The following ARHGAP11B variants were observed in gnomAD, a reference collection of about 807,000 sequenced individuals.
The protein encoded by ARHGAP11B is Rho GTPase activating protein 11B.
A neutral mutation model predicts 27.6 loss-of-function variants in ARHGAP11B; 14 were observed. That is an observed-to-expected ratio of 0.51 (90% CI 0.34 to 0.79). The LOEUF (loss-of-function observed/expected upper bound fraction) is 0.79. Ranked by LOEUF, ARHGAP11B falls within the 30% of genes least tolerant of loss-of-function variation. The pLI is 0.02. For synonymous variants in ARHGAP11B, 82 were observed against 114.1 expected, an observed-to-expected ratio of 0.72 and a Z score of 1.80; for missense variants, 245 against 320.1, an observed-to-expected ratio of 0.77 and a Z score of 1.79.
chr15:30,641,996 G>A (rs2060318800), intron 7 of ARHGAP11B, among the ~76,000 whole-genome samples: 1 of 152,028 alleles, frequency 6.6e-6, no homozygotes, highest in Non-Finnish European at 1.5e-5. Flanking sequence ...GATTACAGAC[G>A]TGAGCCACGG....
At chr15:30,634,114 A>G in intron 3 of ARHGAP11B, 56 bp from the exon 4 acceptor site, 1 of 1,603,216 alleles carries the variant, frequency 6.2e-7, no homozygotes, top group Non-Finnish European at 8.5e-7. Context: ...AAGATTCTTT[A>G]TTTGCAATAA....
intron 1 of ARHGAP11B, among the ~76,000 whole-genome samples, chr15:30,629,158 C>G (rs537686657): frequency 1.3e-5 from 2 of 152,146 alleles, no homozygotes; most frequent in African/African-American, 4.8e-5. Context: ...TCCTACACCT[C>G]TATGACTTAG....
rs2060349825 is a variant in ARHGAP11B at position 30,646,604 on chromosome 15, A to T, written c.*324+309A>T. 2.0e-5 allele frequency among the ~76,000 whole-genome samples: 3 copies of T among 151,572 alleles called. 1 individual carries two copies. The highest frequency in any genetic ancestry group is 4.2e-4 in the South Asian group (2 of 4,806). Reference sequence around the variant, plus strand: ...TGAACCCCAGGGGCGCGGAGCCTGCAGTGAGCTGAGATTGTGCCACTGCAC... The same window carrying T: ...TGAACCCCAGGGGCGCGGAGCCTGCTGTGAGCTGAGATTGTGCCACTGCAC... On this transcript the variant is annotated intron_variant, in intron 9 of 10. Transcript: ENST00000428041.
At chr15:30,648,727 C>G (rs918197790) in exon 11 of ARHGAP11B, 1 of 151,746 alleles carries the variant, frequency 6.6e-6, no homozygotes, top group African/African-American at 2.4e-5. Context: ...TTAGGAAAAG[C>G]ACATGAAAAA....
intron 6 of ARHGAP11B, among the ~76,000 whole-genome samples, chr15:30,638,102 G>A (rs1263895079): frequency 0.019 from 1 of 52 alleles, no homozygotes; most frequent in Admixed American, 0.1. Flanking sequence ...TTACAGGTGT[G>A]AGCCACTGGC....
intron 1 of ARHGAP11B, among the ~76,000 whole-genome samples, chr15:30,627,923 A>T (rs2140887585): frequency 6.6e-6 from 1 of 152,072 alleles, no homozygotes; most frequent in East Asian, 1.9e-4. Context: ...TGTTGGTAGC[A>T]AATTAATGGC....
chr15:30,642,888 C>T (rs879454698), intron 7 of ARHGAP11B, among the ~76,000 whole-genome samples: 1 of 151,942 alleles, frequency 6.6e-6, no homozygotes, highest in Non-Finnish European at 1.5e-5. Context: ...AAGTTTCTAA[C>T]CAGAAATTAA....
At chr15:30,633,427 A>G in intron 2 of ARHGAP11B, 63 bp from the exon 3 acceptor site, 1 of 1,444,016 alleles carries the variant, frequency 6.9e-7, no homozygotes, top group African/African-American at 1.4e-5. Context: ...CTGCTCATGT[A>G]TGTTAGCAGA....
rs144830535 is a variant in ARHGAP11B, at chr15:30,648,338, A to G, written c.*406A>G. Among the ~76,000 whole-genome samples the G allele has an allele frequency of 4.0e-3, 608 of 152,118 alleles. 5 individuals are homozygous for G. Among genetic ancestry groups the G allele is most frequent in the African/African-American group, 0.014 (567 of 41,518 alleles). On this transcript the variant is annotated 3_prime_UTR_variant, in exon 11 of 11. Transcript: ENST00000428041. ...ACCAGGTGGAAAGCACCGTAGATCA[A>G]GTGTTAGAAGGCTCTGGGTTCCTGT...
chr15:30,643,926 T>C (rs1291033559), intron 7 of ARHGAP11B, among the ~76,000 whole-genome samples: 2 of 152,060 alleles, frequency 1.3e-5, no homozygotes, highest in Admixed American at 1.3e-4. Flanking sequence ...TGGATCCAAC[T>C]ACATGGTTTC....
At chr15:30,643,203 T>C (rs1170925345) in intron 7 of ARHGAP11B, among the ~76,000 whole-genome samples, 2 of 152,026 alleles carry the variant, frequency 1.3e-5, no homozygotes, top group Non-Finnish European at 2.9e-5. Flanking sequence ...CTTAGTCTCA[T>C]ATAATCTGTC....
intron 8 of ARHGAP11B, chr15:30,644,836 G>A (rs1306312438): frequency 5.9e-6 from 5 of 850,276 alleles, no homozygotes; most frequent in Admixed American, 2.1e-5. Flanking sequence ...TATATTCTTG[G>A]GTCAGTGTTA....
chr15:30,642,510 C>A (rs1209312061), intron 7 of ARHGAP11B, among the ~76,000 whole-genome samples: 2 of 151,892 alleles, frequency 1.3e-5, no homozygotes, highest in Non-Finnish European at 2.9e-5. Context: ...TAGCAGTTGG[C>A]CAGCAGGTAT....
chr15:30,644,609 C>T (rs1566783843), intron 7 of ARHGAP11B: 2 of 1,450,592 alleles, frequency 1.4e-6, no homozygotes, highest in Non-Finnish European at 1.9e-6. Flanking sequence ...CAAAAATTGT[C>T]TCAAAAGGTT....
chr15:30,634,565 T>C (rs1574382), intron 4 of ARHGAP11B, 142 bp downstream of exon 4: 25 of 1,420,786 alleles, frequency 1.8e-5, no homozygotes, highest in Non-Finnish European at 2.2e-5. Context: ...GAGTATACTC[T>C]AATTTAAGAA....
intron 6 of ARHGAP11B, among the ~76,000 whole-genome samples, chr15:30,636,273 T>G (rs2060279121): frequency 6.6e-6 from 1 of 152,058 alleles, no homozygotes; most frequent in South Asian, 2.1e-4. Flanking sequence ...CATGAGATTA[T>G]TGTTTGAACT....
chr15:30,641,549 A>T (rs1268262041), intron 7 of ARHGAP11B: 1 of 151,960 alleles, frequency 6.6e-6, no homozygotes, highest in East Asian at 1.9e-4. Flanking sequence ...CACGTTGGCC[A>T]GGCTGGTCTT....
intron 8 of ARHGAP11B, chr15:30,646,032 C>G: frequency 7.5e-6 from 2 of 265,850 alleles, no homozygotes; most frequent in Non-Finnish European, 1.2e-5. Flanking sequence ...TCTTAGTTGT[C>G]GTAATTCTGT....
intron 6 of ARHGAP11B, among the ~76,000 whole-genome samples, chr15:30,636,036 C>T (rs543220683): frequency 2.7e-4 from 41 of 150,702 alleles, no homozygotes; most frequent in South Asian, 1.0e-3. Flanking sequence ...ATGTAGATAG[C>T]GCAGTATGAC....
Sources: gnomAD v4.1 joint callset for allele counts (sites outside exome capture counted in the v4.1 genomes callset) on GRCh38, gnomAD v4.1.1 for gene constraint, MANE v1.5 for transcripts, NCBI Gene and HGNC (gene_info 2026-07-23, HGNC 2026-07-21) for gene names.